Variants in SAXO1 observed in about 807,000 individuals in gnomAD.
SAXO1 encodes the protein stabilizer of axonemal microtubules 1.
A neutral mutation model predicts 17.5 loss-of-function variants in SAXO1; 21 were observed. The observed-to-expected ratio is 1.20, with a 90% CI of 0.85 to 1.72. SAXO1 has a LOEUF of 1.72. SAXO1 is among the 40% of genes most tolerant of loss of function. The pLI, the probability that SAXO1 is intolerant of heterozygous loss-of-function variation, is 0.00. For synonymous variants in SAXO1, 274 were observed against 216.5 expected (o/e 1.27, Z -2.33); for missense variants, 843 against 596.0 (o/e 1.41, Z -4.32).
chr9:19,038,155 G>A (rs915457703), upstream of SAXO1, among the ~76,000 whole-genome samples: 4 of 152,310 alleles, frequency 2.6e-5, no homozygotes, highest in African/African-American at 4.8e-5. Flanking sequence ...TTACACTGTT[G>A]GTGGGACTGT....
Position 18,928,020 on chromosome 9 carries a change from C to A in SAXO1, c.*32G>T, listed in dbSNP as rs1588386592. ...TCTCAGTTGTCTGCTTTTAAAAGTA[C>A]TGTGTAATTTCTAAATTACTATTTT... On this transcript the variant is annotated 3_prime_UTR_variant, in exon 4 of 4. Transcript: ENST00000380534. 1 of 1,513,070 alleles carries A rather than the reference C, an allele frequency of 6.6e-7. No individual in the cohort carries two copies. 93.7% of individuals were successfully genotyped at this position (1,513,070 alleles called of 1,614,324 possible).
At chr9:19,035,664 T>A (rs776698810), upstream of SAXO1, among the ~76,000 whole-genome samples, 11 of 152,190 alleles carry the variant, frequency 7.2e-5, no homozygotes, top group Non-Finnish European at 1.6e-4. Flanking sequence ...TTGCCCAAAA[T>A]GCTGATAGCG....
intron 1 of SAXO1, among the ~76,000 whole-genome samples, chr9:18,985,951 G>C (rs1363365109): frequency 6.6e-6 from 1 of 152,170 alleles, no homozygotes; most frequent in African/African-American, 2.4e-5. Flanking sequence ...CTTGCTCATG[G>C]TTTCCTACCA....
At chr9:18,932,234 T>C (rs754212134) in intron 3 of SAXO1, among the ~76,000 whole-genome samples, 4 of 152,234 alleles carry the variant, frequency 2.6e-5, no homozygotes, top group Admixed American at 2.6e-4. Context: ...GGTAACTTCG[T>C]CTTTTTGCAT....
chr9:19,011,848 G>GTTTTTTTTTTTTT (rs10646825), intron 1 of SAXO1, among the ~76,000 whole-genome samples: 2 of 143,522 alleles, frequency 1.4e-5, no homozygotes. Context: ...ATTAAGCATA[G>GTTTTTTTTTTTTT]ATTTTTTTTT....
intron 1 of SAXO1, among the ~76,000 whole-genome samples, chr9:18,998,467 A>G (rs1178106368): frequency 6.6e-6 from 1 of 152,246 alleles, no homozygotes; most frequent in East Asian, 1.9e-4. Context: ...GGACTATGTG[A>G]AAAGACCAAA....
chr9:18,973,065 G>A (rs1182263171), intron 1 of SAXO1, among the ~76,000 whole-genome samples: 1 of 152,232 alleles, frequency 6.6e-6, no homozygotes, highest in African/African-American at 2.4e-5. Context: ...AATCAAAGAT[G>A]TGGAGTCAGA....
At chr9:18,975,926 CCA>C (rs1331750150) in intron 1 of SAXO1, among the ~76,000 whole-genome samples, 1 of 152,160 alleles carries the variant, frequency 6.6e-6, no homozygotes, top group East Asian at 1.9e-4. Context: ...CCCTTGAACT[CCA>C]CGCAAACAGA....
At chr9:19,013,479 T>C (rs545752397) in intron 1 of SAXO1, among the ~76,000 whole-genome samples, 1 of 152,000 alleles carries the variant, frequency 6.6e-6, no homozygotes, top group Non-Finnish European at 1.5e-5. Flanking sequence ...CATTACCATT[T>C]AGGAATGCAG....
At position 18,950,833 on chromosome 9, in the gene SAXO1, A is replaced by C; in HGVS notation, c.143T>G (p.Leu48Arg). The C allele has an allele frequency of 3.7e-6, 6 of 1,613,848 alleles. No individual in the cohort carries two copies. In the South Asian group the frequency reaches 5.5e-5, roughly 15 times the overall value. ...TENYPFYHSY[L>R]PRESFKPRRE... ...CCTTGGCTTGAAGGACTCTCTGGGC[A>C]GGTAGGAGTGATAGAAAGGGTAGTT... Residue 48 changes from leucine (L) to arginine (R), a missense_variant, in exon 2 of 4, where the codon CTG becomes CGG. Coordinates refer to ENST00000380534, the MANE Select transcript of SAXO1 (RefSeq NM_153707.4).
At chr9:18,942,564 A>G (rs537573589) in intron 2 of SAXO1, among the ~76,000 whole-genome samples, 16 of 152,334 alleles carry the variant, frequency 1.1e-4, no homozygotes, top group Non-Finnish European at 2.1e-4. Flanking sequence ...GAAGAGGAAA[A>G]CAGTGAAATA....
chr9:18,977,360 G>T (rs1474987253), intron 1 of SAXO1, among the ~76,000 whole-genome samples: 1 of 140,358 alleles, frequency 7.1e-6, no homozygotes, highest in Non-Finnish European at 1.6e-5. Flanking sequence ...ACCACATGCT[G>T]GGCATACTGC....
rs556728170 is a variant in SAXO1, at chr9:19,001,217, G to A, written c.38+31654C>T. Among the ~76,000 whole-genome samples the A allele has an allele frequency of 2.6e-5, 4 of 152,298 alleles. No individual in the cohort carries two copies. The East Asian group carries it at 5.8e-4, about 22-fold the overall frequency. ...AAAGCACTCCTGGGCAAATGTAAAA[G>A]AACAGAAATCACAACAAACTGTCTC... On this transcript the variant is annotated intron_variant, in intron 1 of 3. Transcript: ENST00000380534.
intron 1 of SAXO1, among the ~76,000 whole-genome samples, chr9:18,984,685 G>C (rs1833527166): frequency 6.6e-6 from 1 of 152,196 alleles, no homozygotes; most frequent in Non-Finnish European, 1.5e-5. Flanking sequence ...TTAGGCTTTG[G>C]CTTAAGGGAA....
Position 18,928,693 on chromosome 9 carries a change from G to C in SAXO1, c.784C>G (p.Pro262Ala). The C allele has an allele frequency of 1.9e-6, 3 of 1,614,140 alleles. No homozygotes were observed. The highest frequency in any genetic ancestry group is 1.7e-5 in the Admixed American group (1 of 60,028). ...TTACAGAAAGGCATGTCTAGCCCAG[G>C]AGGCCTGGCTAGAGGTTTCAAGCTC... ...AKSLKPLARP[P>A]GLDMPFCNTT... is the part of the protein sequence containing the mutation. Residue 262 changes from proline to alanine, a missense_variant, in exon 4 of 4, where the codon CCT becomes GCT. Coordinates refer to ENST00000380534, the MANE Select transcript of SAXO1 (RefSeq NM_153707.4).
chr9:19,024,615 G>T (rs1835397885), intron 1 of SAXO1, among the ~76,000 whole-genome samples: 1 of 151,928 alleles, frequency 6.6e-6, no homozygotes. Context: ...TTAAAAAAAA[G>T]TGGCAGAGCC....
upstream of SAXO1, among the ~76,000 whole-genome samples, chr9:19,035,385 C>A (rs1303282718): frequency 2.0e-5 from 3 of 152,208 alleles, no homozygotes; most frequent in African/African-American, 7.2e-5. Flanking sequence ...CACCATGATT[C>A]TGAGACCTCC....
intron 1 of SAXO1, among the ~76,000 whole-genome samples, chr9:18,969,469 C>T (rs1327816060): frequency 1.3e-5 from 2 of 152,176 alleles, no homozygotes; most frequent in African/African-American, 2.4e-5. Context: ...ACCCAAAGCC[C>T]CTCTAATCCC....
chr9:18,928,690 C>G lies in SAXO1; in HGVS notation c.787G>C (p.Gly263Arg), dbSNP rs752118239. Residue 263 changes from glycine to arginine, a missense_variant, in exon 4 of 4, where the codon GGG becomes CGG. Gly to Arg is a moderately radical substitution (Grantham distance 125). Transcript: ENST00000380534. ...GTGTTACAGAAAGGCATGTCTAGCC[C>G]AGGAGGCCTGGCTAGAGGTTTCAAG... ...KSLKPLARPP[G>R]LDMPFCNTTE... is the part of the protein sequence containing the mutation. 10 of 1,613,982 alleles carry G rather than the reference C, an allele frequency of 6.2e-6. No individual in the cohort carries two copies. The Admixed American group carries it at 6.7e-5, about 11-fold the overall frequency.
Sources: allele counts gnomAD v4.1 joint callset (sites outside exome capture counted in the v4.1 genomes callset), GRCh38; gene constraint gnomAD v4.1.1; transcripts MANE v1.5; gene names NCBI Gene and HGNC (gene_info 2026-07-23, HGNC 2026-07-21).